The following CHN2 variants were observed in gnomAD, a reference collection of about 807,000 sequenced individuals.
The protein encoded by CHN2 is chimerin 2.
CHN2 carries 35 observed loss-of-function variants against 56.3 expected under a neutral mutation model. The ratio of observed to expected loss-of-function variants is 0.62; its 90% CI spans 0.47 to 0.82. The LOEUF (loss-of-function observed/expected upper bound fraction) is 0.82. Ranked by LOEUF, CHN2 falls within the 40% of genes least tolerant of loss-of-function variation. CHN2 has a pLI of 0.00. For missense variants in CHN2, 491 were observed against 580.5 expected (o/e 0.85, Z 1.58); for synonymous variants, 210 against 212.8 (o/e 0.99, Z 0.12).
At chr7:29,473,685 T>C (rs1222001671) in intron 6 of CHN2, among the ~76,000 whole-genome samples, 1 of 152,032 alleles carries the variant, frequency 6.6e-6, no homozygotes, top group African/African-American at 2.4e-5. Flanking sequence ...CCATATGTTT[T>C]AAGAAGCCCT....
At chr7:29,275,359 G>C (rs896364392) in intron 1 of CHN2, among the ~76,000 whole-genome samples, 4 of 152,118 alleles carry the variant, frequency 2.6e-5, no homozygotes, top group Non-Finnish European at 5.9e-5. Flanking sequence ...GTCAAGTCTT[G>C]GAGAAAATGT....
chr7:29,452,683 A>T (rs1209936875), intron 6 of CHN2, among the ~76,000 whole-genome samples: 1 of 152,110 alleles, frequency 6.6e-6, no homozygotes, highest in African/African-American at 2.4e-5. Flanking sequence ...TCTCTGCAAG[A>T]CTCGCCATGG....
intron 1 of CHN2, among the ~76,000 whole-genome samples, chr7:29,250,323 G>A (rs944697470): frequency 1.3e-5 from 2 of 152,206 alleles, no homozygotes; most frequent in Admixed American, 1.3e-4. Context: ...GATCAGAAGT[G>A]CTTTCTTTCT....
At chr7:29,330,998 C>T (rs1469888668) in intron 1 of CHN2, among the ~76,000 whole-genome samples, 1 of 152,236 alleles carries the variant, frequency 6.6e-6, no homozygotes, top group Non-Finnish European at 1.5e-5. Context: ...TCTCCCTACG[C>T]TGCCATGTGG....
At position 29,414,393 on chromosome 7, in the gene CHN2, G is replaced by T. The variant is rs533997074; in HGVS notation, c.576+13565G>T. 1.4e-4 allele frequency among the ~76,000 whole-genome samples: 21 copies of T among 152,264 alleles called. 1 individual carries two copies. The South Asian group carries it at 3.7e-3, about 27-fold the overall frequency. On this transcript the variant is annotated intron_variant, in intron 6 of 12. Transcript: ENST00000222792. ...CAAGGAAAGGAAGAAGTGCTAGCACGCACGGGGTATTGACCACATACCACG... is the reference window on the plus strand; with the variant it reads ...CAAGGAAAGGAAGAAGTGCTAGCACTCACGGGGTATTGACCACATACCACG...
chr7:29,146,696 A>C, exon 1 of CHN2: 1 of 1,550,662 alleles, frequency 6.4e-7, no homozygotes, highest in Non-Finnish European at 8.7e-7. Flanking sequence ...AAGCAGCCCC[A>C]GGGTGGAATC....
intron 6 of CHN2, among the ~76,000 whole-genome samples, chr7:29,416,203 G>A (rs1803724405): frequency 6.6e-6 from 1 of 152,174 alleles, no homozygotes; most frequent in Non-Finnish European, 1.5e-5. Flanking sequence ...CCTGCTACCT[G>A]CAAAGACAGA....
chr7:29,169,771 G>A (rs1453978858), intron 2 of CHN2, among the ~76,000 whole-genome samples: 1 of 152,000 alleles, frequency 6.6e-6, no homozygotes, highest in African/African-American at 2.4e-5. Flanking sequence ...GAGCTGGTGT[G>A]CCTATAGACC....
intron 6 of CHN2, among the ~76,000 whole-genome samples, chr7:29,440,691 A>T (rs1455224135): frequency 1.2e-4 from 15 of 126,702 alleles, no homozygotes; most frequent in South Asian, 4.8e-4. Flanking sequence ...TCTCAAAAAA[A>T]AAAAAAAAAA....
At chr7:29,439,767 A>G (rs1379038016) in intron 6 of CHN2, among the ~76,000 whole-genome samples, 2 of 152,244 alleles carry the variant, frequency 1.3e-5, no homozygotes, top group Non-Finnish European at 2.9e-5. Context: ...TGACCTAAGT[A>G]TAATGTAAAA....
intron 3 of CHN2, among the ~76,000 whole-genome samples, chr7:29,393,113 C>G (rs1472251512): frequency 1.3e-5 from 2 of 152,164 alleles, no homozygotes; most frequent in African/African-American, 2.4e-5. Context: ...GTGTTTTAGT[C>G]AAGTCATAAA....
In CHN2 at chr7:29,482,792, T is replaced by TTTTTC. The variant is rs1414233344; in HGVS notation, c.654+2441_654+2445dup. Among the ~76,000 whole-genome samples, 647 of 119,464 alleles carry TTTTTC rather than the reference T, an allele frequency of 5.4e-3. 1 individual carries two copies. The highest frequency in any genetic ancestry group is 8.3e-3 in the Non-Finnish European group (501 of 60,404). The allele number at this position is 119,464 out of a possible 152,430, so 78.4% of individuals were successfully genotyped here. On this transcript the variant is annotated intron_variant, in intron 7 of 12. Coordinates refer to ENST00000222792, the MANE Select transcript of CHN2 (RefSeq NM_004067.4). ...GGCTTTGCTAGGTGCTGTCTGCACT[T>TTTTTC]TTTTCTTTTTTTTTTTTTTTTTTTT...
chr7:29,297,995 G>C (rs1353218458), intron 1 of CHN2, among the ~76,000 whole-genome samples: 1 of 152,180 alleles, frequency 6.6e-6, no homozygotes, highest in Non-Finnish European at 1.5e-5. Context: ...AATACCTGGG[G>C]TTCGTGAGGG....
chr7:29,476,120 C>T (rs1786566235), intron 6 of CHN2, among the ~76,000 whole-genome samples: 1 of 152,236 alleles, frequency 6.6e-6, no homozygotes, highest in South Asian at 2.1e-4. Context: ...TATTCTACCA[C>T]TTACCAGCTA....
intron 1 of CHN2, among the ~76,000 whole-genome samples, chr7:29,267,069 C>A (rs1445685263): frequency 6.6e-6 from 1 of 152,092 alleles, no homozygotes; most frequent in Non-Finnish European, 1.5e-5. Flanking sequence ...CCCCACCCAC[C>A]CCTCTGCTGT....
At chr7:29,150,248 A>T (rs1793403900) in intron 2 of CHN2, among the ~76,000 whole-genome samples, 2 of 152,212 alleles carry the variant, frequency 1.3e-5, no homozygotes, top group Non-Finnish European at 2.9e-5. Flanking sequence ...ACTTAATCTC[A>T]GTTTTCTCAT....
chr7:29,380,949 G>A (rs897411642), intron 3 of CHN2: 1 of 152,118 alleles, frequency 6.6e-6, no homozygotes, highest in Admixed American at 6.5e-5. Flanking sequence ...GCACAGAGAT[G>A]GCTTTTAATA....
At chr7:29,386,971 CT>C (rs2128065556) in intron 3 of CHN2, among the ~76,000 whole-genome samples, 1 of 152,356 alleles carries the variant, frequency 6.6e-6, no homozygotes, top group African/African-American at 2.4e-5. Context: ...GGCATTAGCG[CT>C]GATTAGTATC....
At chr7:29,254,625 C>T (rs1788926656) in intron 1 of CHN2, among the ~76,000 whole-genome samples, 1 of 152,088 alleles carries the variant, frequency 6.6e-6, no homozygotes, top group Non-Finnish European at 1.5e-5. Context: ...GTAGTAACTC[C>T]CTTGTCACCA....
Sources: allele counts gnomAD v4.1 joint callset (sites outside exome capture counted in the v4.1 genomes callset), GRCh38; gene constraint gnomAD v4.1.1; transcripts MANE v1.5; gene names NCBI Gene and HGNC (gene_info 2026-07-23, HGNC 2026-07-21).